The following RNF122 variants were observed in gnomAD, a reference collection of about 807,000 sequenced individuals.
RNF122 encodes the protein ring finger protein 122.
RNF122 carries 17 observed loss-of-function variants against 24.2 expected under a neutral mutation model. The observed-to-expected ratio is 0.70, with a 90% CI of 0.48 to 1.06. The LOEUF (loss-of-function observed/expected upper bound fraction) is 1.06, where lower values mean the gene tolerates loss of function less well. Ranked by LOEUF, RNF122 falls within the 50% of genes least tolerant of loss-of-function variation. The pLI is 0.00. For missense variants in RNF122, 168 were observed against 198.1 expected, an observed-to-expected ratio of 0.85 and a Z score of 0.91; for synonymous variants, 65 against 71.8, an observed-to-expected ratio of 0.91 and a Z score of 0.48.
intron 1 of RNF122, among the ~76,000 whole-genome samples, chr8:33,562,498 C>G (rs1259987331): frequency 6.9e-6 from 1 of 145,056 alleles, no homozygotes; most frequent in Non-Finnish European, 1.5e-5. Context: ...GCCACAATTG[C>G]ACCACTGCAC....
chr8:33,561,368 A>G (rs1810536670), intron 1 of RNF122, among the ~76,000 whole-genome samples: 2 of 152,074 alleles, frequency 1.3e-5, no homozygotes, highest in South Asian at 4.1e-4. Context: ...TCCCTTACTG[A>G]TGACTATATA....
chr8:33,566,564 C>G lies in RNF122; in HGVS notation c.25+135G>C, dbSNP rs1810627181. ...TGCAGAGCAGAGTGGGGCGCCAAGA[C>G]GCCTTCTCGACTGTCCCATTTCAGG... On this transcript the variant is annotated intron_variant, in intron 1 of 5. Transcript: ENST00000256257. The G allele has an allele frequency of 4.7e-6, 4 of 859,938 alleles. No individual in the cohort carries two copies. The South Asian group carries it at 6.1e-5, about 13-fold the overall frequency. The allele number at this position is 859,938 out of a possible 1,614,324, so 53.3% of individuals were successfully genotyped here. A position where few individuals can be genotyped will look rare whatever the true frequency, so the allele number is the denominator to read the frequency against.
Position 33,566,707 on chromosome 8 carries a change from C to T in RNF122, c.17G>A (p.Trp6Ter). ...TCGCCCCGGGGACTCACCGTTACAC[C>T]ACTGGAATGGGTGCATCAATGAAGT... The part of the protein sequence containing the change: MHPFQ[W>*]CNGCFCGLGL... Residue 6 changes from tryptophan (W) to a stop codon, truncating the protein, a stop_gained, in exon 1 of 6, where the codon TGG becomes TAG. Coordinates refer to ENST00000256257, the MANE Select transcript of RNF122 (RefSeq NM_024787.3). LOFTEE classifies it high-confidence loss of function. 1 of 1,605,486 alleles carries T rather than the reference C, an allele frequency of 6.2e-7. No individual in the cohort carries two copies. Among genetic ancestry groups the T allele is most frequent in the South Asian group, 1.1e-5 (1 of 89,036 alleles).
At chr8:33,551,131 T>C (rs906181335) in intron 3 of RNF122, 46 bp from the exon 4 acceptor site, 10 of 1,606,256 alleles carry the variant, frequency 6.2e-6, no homozygotes, top group Non-Finnish European at 6.0e-6. Flanking sequence ...AACCAACCAC[T>C]GGGGCCAGCC....
chr8:33,548,813 G>A lies in RNF122; in HGVS notation c.408C>T (p.Pro136=), dbSNP rs1270039445. Residue 136 remains proline, a synonymous_variant, in exon 6 of 6, where the codon CCC becomes CCT. Coordinates refer to ENST00000256257, the MANE Select transcript of RNF122 (RefSeq NM_024787.3). The part of the protein sequence containing the change: ...VRCVCPMCNK[P]IASPSEATQN... ...GCGTGGCCTCTGAGGGACTAGCAAT[G>A]GGCTTGTTACACATGGGGCAGACAC... is the stretch of plus-strand genomic sequence containing the variant. The A allele has an allele frequency of 1.9e-6, 3 of 1,613,876 alleles. No homozygotes were observed. In the African/African-American group the frequency reaches 4.0e-5, roughly 22 times the overall value.
In RNF122 at chr8:33,566,381, G is replaced by A. The variant is rs536853365; in HGVS notation, c.25+318C>T. Among the ~76,000 whole-genome samples, 5 of 152,342 alleles carry A rather than the reference G, an allele frequency of 3.3e-5. No individual in the cohort carries two copies. In the South Asian group the frequency reaches 1.0e-3, roughly 32 times the overall value. On this transcript the variant is annotated intron_variant, in intron 1 of 5. Transcript: ENST00000256257. ...CCTCCAACAACCACAACAAAGAACA[G>A]AGTTTGAGCGCACAAAGGCAGGGGA...
intron 1 of RNF122, among the ~76,000 whole-genome samples, chr8:33,564,853 C>G (rs1354255858): frequency 6.6e-6 from 1 of 151,630 alleles, no homozygotes; most frequent in East Asian, 1.9e-4. Context: ...GCCTGGACAA[C>G]AAGAGCGAAA....
At chr8:33,550,904 T>C (rs961821977) in intron 4 of RNF122, 140 bp downstream of exon 4, 2 of 768,054 alleles carry the variant, frequency 2.6e-6, no homozygotes, top group Admixed American at 2.0e-5. Context: ...TGCTGAGATG[T>C]GTCTCCATTA....
intron 1 of RNF122, among the ~76,000 whole-genome samples, chr8:33,563,070 G>A (rs947573519): frequency 6.7e-6 from 1 of 150,266 alleles, no homozygotes; most frequent in Non-Finnish European, 1.5e-5. Flanking sequence ...CTGAGATGGC[G>A]CCACTGTGCC....
In RNF122 at chr8:33,549,934, TG is replaced by T. The variant is rs1395482794; in HGVS notation, c.271-443del. Among the ~76,000 whole-genome samples, 118 of 151,322 alleles carry T rather than the reference TG, an allele frequency of 7.8e-4. 2 individuals are homozygous for T. Among genetic ancestry groups the T allele is most frequent in the Non-Finnish European group, 4.4e-4 (30 of 67,920 alleles). On this transcript the variant is annotated intron_variant, in intron 4 of 5. Coordinates refer to ENST00000256257, the MANE Select transcript of RNF122 (RefSeq NM_024787.3). Reference sequence around the variant, plus strand: ...AGGGCATGGTATATGTGATCAGTTATGTTTTTTTTTTTTTTTGAGATGGAGT... The same window carrying T: ...AGGGCATGGTATATGTGATCAGTTATTTTTTTTTTTTTTTTGAGATGGAGT...
chr8:33,566,121 G>A (rs1810618927), intron 1 of RNF122, among the ~76,000 whole-genome samples: 1 of 152,120 alleles, frequency 6.6e-6, no homozygotes, highest in Admixed American at 6.6e-5. Context: ...CCAAAGTGCT[G>A]GGATTACAGG....
intron 1 of RNF122, among the ~76,000 whole-genome samples, chr8:33,561,667 T>G (rs1284335650): frequency 1.3e-5 from 2 of 152,028 alleles, no homozygotes; most frequent in Non-Finnish European, 2.9e-5. Flanking sequence ...CTCAGCTTCC[T>G]GAGTAGCTAG....
chr8:33,552,371 C>G (rs908761913), intron 2 of RNF122, among the ~76,000 whole-genome samples: 1 of 151,908 alleles, frequency 6.6e-6, no homozygotes, highest in African/African-American at 2.4e-5. Context: ...TGCACTCCAG[C>G]CTGGGCAACA....
rs530638870 is a variant in RNF122, at chr8:33,549,176, G to A, written c.353+234C>T. Among the ~76,000 whole-genome samples, 14 of 148,548 alleles carry A rather than the reference G, an allele frequency of 9.4e-5. No homozygotes were observed. In the South Asian group the frequency reaches 2.5e-3, roughly 27 times the overall value. On this transcript the variant is annotated intron_variant, in intron 5 of 5. Transcript: ENST00000256257. ...GCAGAGGTTGCAGTGAGCTGAGATCGCACCATTGCACTCCAGCCTAGGCAA... is the reference window on the plus strand; with the variant it reads ...GCAGAGGTTGCAGTGAGCTGAGATCACACCATTGCACTCCAGCCTAGGCAA...
intron 2 of RNF122, among the ~76,000 whole-genome samples, chr8:33,556,720 C>A (rs976952624): frequency 6.6e-6 from 1 of 152,198 alleles, no homozygotes; most frequent in African/African-American, 2.4e-5. Context: ...GAAATCTACC[C>A]TCATCTCCGC....
At chr8:33,551,249 G>A (rs911243445) in intron 3 of RNF122, 95 bp downstream of exon 3, 1 of 1,513,460 alleles carries the variant, frequency 6.6e-7, no homozygotes, top group Non-Finnish European at 9.2e-7. Flanking sequence ...AGGCCAGGGG[G>A]ATTCCTGCCC....
In RNF122 at chr8:33,556,277, G is replaced by A. The variant is rs534186155; in HGVS notation, c.182+2338C>T. Among the ~76,000 whole-genome samples the A allele has an allele frequency of 3.5e-4, 53 of 151,432 alleles. 2 individuals carry two copies. The South Asian group carries it at 0.011, about 30-fold the overall frequency. ...CTGGTCACCCACTTCCTAGCCTAGA[G>A]TAGTTTTCTCTAAGTCATTTTTGTA... is the stretch of plus-strand genomic sequence containing the variant. On this transcript the variant is annotated intron_variant, in intron 2 of 5. Coordinates refer to ENST00000256257, the MANE Select transcript of RNF122 (RefSeq NM_024787.3).
chr8:33,555,732 T>TCA (rs1563369153), intron 2 of RNF122, among the ~76,000 whole-genome samples: 1 of 152,214 alleles, frequency 6.6e-6, no homozygotes, highest in Non-Finnish European at 1.5e-5. Flanking sequence ...CCTCTATGTA[T>TCA]CACCTTGGGC....
chr8:33,554,706 C>T (rs1222967726), intron 2 of RNF122, among the ~76,000 whole-genome samples: 2 of 152,218 alleles, frequency 1.3e-5, no homozygotes, highest in Admixed American at 6.5e-5. Flanking sequence ...TCAATGAGAC[C>T]ATTTCTAGCC....
Sources: gnomAD v4.1 joint callset for allele counts (sites outside exome capture counted in the v4.1 genomes callset) on GRCh38, gnomAD v4.1.1 for gene constraint, MANE v1.5 for transcripts, NCBI Gene and HGNC (gene_info 2026-07-23, HGNC 2026-07-21) for gene names.